The following USP54 variants were observed in gnomAD, a reference collection of about 807,000 sequenced individuals.
The protein encoded by USP54 is ubiquitin carboxyl-terminal hydrolase 54.
USP54 carries 87 observed loss-of-function variants against 170.5 expected under a neutral mutation model. The ratio of observed to expected loss-of-function variants is 0.51; its 90% CI spans 0.43 to 0.61. The LOEUF is 0.61. Ranked by LOEUF, USP54 falls within the 20% of genes least tolerant of loss-of-function variation. The pLI is 0.00. For synonymous variants in USP54, 655 were observed against 742.8 expected, an observed-to-expected ratio of 0.88 and a Z score of 1.92; for missense variants, 1,786 against 2,047.8, an observed-to-expected ratio of 0.87 and a Z score of 2.47.
At chr10:73,529,472 C>A in intron 15 of USP54, 1 of 634,982 alleles carries the variant, frequency 1.6e-6, no homozygotes, top group Non-Finnish European at 2.8e-6. Flanking sequence ...TACATGATAA[C>A]TGTATTTCAA....
At chr10:73,521,226 T>C (rs753852853) in intron 17 of USP54, among the ~76,000 whole-genome samples, 199 bp from the exon 18 acceptor site, 3 of 152,198 alleles carry the variant, frequency 2.0e-5, no homozygotes, top group Non-Finnish European at 4.4e-5. Context: ...ACCAAGGCCA[T>C]GAAAGAGAGG....
chr10:73,574,560 T>C (rs2075804573), intron 3 of USP54, among the ~76,000 whole-genome samples: 1 of 151,392 alleles, frequency 6.6e-6, no homozygotes, highest in Admixed American at 6.6e-5. Flanking sequence ...GCGGATCACT[T>C]GAGGCTAGGA....
At chr10:73,576,824 G>C (rs774123889) in intron 1 of USP54, among the ~76,000 whole-genome samples, 1 of 152,206 alleles carries the variant, frequency 6.6e-6, no homozygotes, top group African/African-American at 2.4e-5. Flanking sequence ...TCTAAGATCT[G>C]TTCTGAGTAA....
At chr10:73,538,160 G>A (rs112920684) in intron 10 of USP54, 277 of 151,730 alleles carry the variant, frequency 1.8e-3, no homozygotes, top group African/African-American at 6.5e-3. Flanking sequence ...AGCTGAGATC[G>A]CGCCCCTACA....
chr10:73,511,201 C>T (rs992416616), intron 20 of USP54, among the ~76,000 whole-genome samples: 1 of 147,918 alleles, frequency 6.8e-6, no homozygotes, highest in Middle Eastern at 3.2e-3. Context: ...TGGGTTCAAA[C>T]GATTCTCCCA....
chr10:73,505,596 C>T (rs1455755580), intron 20 of USP54, 170 bp from the exon 21 acceptor site: 4 of 560,280 alleles, frequency 7.1e-6, no homozygotes, highest in African/African-American at 5.8e-5. Context: ...AGGGGCTGGG[C>T]GCGGTGGCTC....
chr10:73,545,989 G>C (rs2067703903), intron 4 of USP54, among the ~76,000 whole-genome samples: 1 of 152,112 alleles, frequency 6.6e-6, no homozygotes, highest in African/African-American at 2.4e-5. Flanking sequence ...AAGTAAATGG[G>C]TTAGGTAAAA....
intron 1 of USP54, among the ~76,000 whole-genome samples, chr10:73,608,121 A>C (rs1009577248): frequency 4.0e-5 from 6 of 151,840 alleles, no homozygotes; most frequent in Admixed American, 6.6e-5. Context: ...TTAGCCGGGC[A>C]TGGTAGCGCG....
chr10:73,615,576 A>G lies in USP54; in HGVS notation c.-18+9991T>C, dbSNP rs1013445007. 2.0e-5 allele frequency among the ~76,000 whole-genome samples: 3 copies of G among 150,344 alleles called. 1 individual carries two copies. The highest frequency in any genetic ancestry group is 7.6e-5 in the African/African-American group (3 of 39,694). Reference sequence around the variant, plus strand: ...ATGCCCATATCAAAACATCTCATGTACCCAATAAATATACACACCTACTAT... The same window carrying G: ...ATGCCCATATCAAAACATCTCATGTGCCCAATAAATATACACACCTACTAT... On this transcript the variant is annotated intron_variant, in intron 1 of 22. Coordinates refer to the USP54 transcript ENST00000339859.
chr10:73,527,275 G>A (rs575150122), intron 15 of USP54, among the ~76,000 whole-genome samples: 7 of 152,080 alleles, frequency 4.6e-5, no homozygotes, highest in Non-Finnish European at 7.4e-5. Flanking sequence ...TGAGGCAGGC[G>A]GATCATGAGA....
At chr10:73,521,696 T>C (rs1019681031) in intron 17 of USP54, among the ~76,000 whole-genome samples, 1 of 152,230 alleles carries the variant, frequency 6.6e-6, no homozygotes, top group Non-Finnish European at 1.5e-5. Flanking sequence ...ATACTTGTCA[T>C]AAGCGTTGCT....
intron 4 of USP54, among the ~76,000 whole-genome samples, chr10:73,566,195 A>G (rs2073759389): frequency 6.6e-6 from 1 of 152,046 alleles, no homozygotes; most frequent in African/African-American, 2.4e-5. Context: ...GCACCATTGC[A>G]CTCCAGCCTG....
intron 20 of USP54, among the ~76,000 whole-genome samples, chr10:73,514,493 G>A (rs925976146): frequency 1.3e-5 from 2 of 151,634 alleles, no homozygotes; most frequent in African/African-American, 4.8e-5. Flanking sequence ...AACCCAGGAG[G>A]CAGAGGTTGC....
In USP54 at chr10:73,541,705, C is replaced by G. The variant is rs1590191728; in HGVS notation, c.606G>C (p.Glu202Asp). The change falls in exon 8 of 24, where the codon GAG becomes GAC. Residue 202 changes from glutamate (E) to aspartate (D), a missense_variant. Physicochemically the swap from Glu to Asp is conservative, Grantham distance 45. Around this residue, in one of 3 missense-constraint regions of USP54, gnomAD observed 361 missense variants for 455.0 expected, o/e 0.79. Coordinates refer to ENST00000687698, the MANE Select transcript of USP54 (RefSeq NM_001391956.1). The stretch of plus-strand genomic sequence containing the variant: ...CACCAAACATGCTTGGTGAAGGTTT[C>G]TCTCGTCTTTCCAGCATACAAATAG... ...NQAICMLERR[E>D]KPSPSMFGEL... 3.1e-6 allele frequency: 5 copies of G among 1,614,052 alleles called. No individual in the cohort carries two copies. The highest frequency in any genetic ancestry group is 3.4e-6 in the Non-Finnish European group (4 of 1,180,046).
intron 3 of USP54, 30 bp downstream of exon 3, chr10:73,575,482 G>C: frequency 6.4e-7 from 1 of 1,565,764 alleles, no homozygotes; most frequent in Non-Finnish European, 8.6e-7. Flanking sequence ...AAAAGTCAAA[G>C]TTCACCAAAA....
At position 73,500,741 on chromosome 10, in the gene USP54, C is replaced by A; in HGVS notation, c.4409G>T (p.Gly1470Val). The A allele has an allele frequency of 1.2e-6, 2 of 1,603,226 alleles. No individual in the cohort carries two copies. The highest frequency in any genetic ancestry group is 2.3e-5 in the East Asian group (1 of 43,402). The part of the protein sequence containing the change: ...VIHDPSVFLL[G>V]PQLYLPQPQF... Reference sequence around the variant, plus strand: ...TGGTTGGGGAAGGTAGAGTTGGGGACCGAGGAGAAACACAGAAGGGTCATG... The same window carrying A: ...TGGTTGGGGAAGGTAGAGTTGGGGAACGAGGAGAAACACAGAAGGGTCATG... The change falls in exon 23 of 24, where the codon GGT becomes GTT. Residue 1470 changes from glycine to valine, a missense_variant. Around this residue, in one of 3 missense-constraint regions of USP54, gnomAD observed 1,418 missense variants for 1,569.0 expected, o/e 0.90. Transcript: ENST00000687698.
Position 73,516,761 on chromosome 10 carries a change from C to T in USP54, c.3665G>A (p.Gly1222Glu). The change falls in exon 20 of 24, where the codon GGA (glycine) becomes GAA (glutamate). Residue 1222 changes from glycine (G) to glutamate (E), a missense_variant. Around this residue, in one of 3 missense-constraint regions of USP54, gnomAD observed 1,418 missense variants for 1,569.0 expected, o/e 0.90. Transcript: ENST00000687698. ...TGGCTCTGCCAACCTGGGCTGTCCT[C>T]CGCTAGAAGTTTCACCATTAGGCAG... The part of the protein sequence containing the change: ...SGLPNGETSS[G>E]GQPRLAEPDI... 6.2e-7 allele frequency: 1 copy of T among 1,614,170 alleles called. No individual in the cohort carries two copies. The highest frequency in any genetic ancestry group is 8.5e-7 in the Non-Finnish European group (1 of 1,180,038).
chr10:73,504,083 T>C (rs2058655536), intron 22 of USP54: 1 of 152,292 alleles, frequency 6.6e-6, no homozygotes, highest in Non-Finnish European at 1.5e-5. Flanking sequence ...GAAGGGCTGG[T>C]AGAAGACAGA....
chr10:73,625,906 G>A (rs1313759111), upstream of USP54: 2 of 20,550 alleles, frequency 9.7e-5, no homozygotes, highest in African/African-American at 3.8e-4. Flanking sequence ...CGTTACCCCC[G>A]GCCCCGCCCC....
Sources: gnomAD v4.1 joint callset for allele counts (sites outside exome capture counted in the v4.1 genomes callset) on GRCh38, gnomAD v4.1.1 for gene constraint, gnomAD v4.1.1 regional missense constraint, MANE v1.5 for transcripts, NCBI Gene and HGNC (gene_info 2026-07-23, HGNC 2026-07-21) for gene names.